THRB: variants seen among roughly 807,000 people sequenced by gnomAD.
The protein encoded by THRB is thyroid hormone receptor beta.
In THRB, 12 loss-of-function variants were observed where a neutral mutation model predicts 47.8. The observed-to-expected ratio is 0.25, with a 90% CI of 0.16 to 0.41. THRB has a LOEUF of 0.41. Ranked by LOEUF, THRB falls within the 10% of genes least tolerant of loss-of-function variation. The pLI is 1.00. For missense variants in THRB, 348 were observed against 589.2 expected (o/e 0.59, Z 4.24); for synonymous variants, 218 against 212.2 (o/e 1.03, Z -0.24).
At chr3:24,318,041 A>C (rs2058241580) in intron 2 of THRB, among the ~76,000 whole-genome samples, 1 of 152,162 alleles carries the variant, frequency 6.6e-6, no homozygotes, top group Admixed American at 6.6e-5. Context: ...CTTGTCTCAA[A>C]AAAGAATGAA....
chr3:24,307,902 T>C lies in THRB; in HGVS notation c.-188-10531A>G, dbSNP rs1192684786. Among the ~76,000 whole-genome samples, 3 of 152,308 alleles carry C rather than the reference T, an allele frequency of 2.0e-5. No homozygotes were observed. In the East Asian group the frequency reaches 5.8e-4, roughly 29 times the overall value. On this transcript the variant is annotated intron_variant, in intron 2 of 10. Coordinates refer to ENST00000646209, the MANE Select transcript of THRB (RefSeq NM_001354712.2). ...GCCATTAGCTAATGGCCTGTTTCCA[T>C]AGTTCACTGTGGTCAAGTTAAGACT... is the stretch of plus-strand genomic sequence containing the variant.
At chr3:24,272,873 T>C (rs972588103) in intron 3 of THRB, among the ~76,000 whole-genome samples, 30 of 152,348 alleles carry the variant, frequency 2.0e-4, no homozygotes, top group African/African-American at 7.2e-4. Flanking sequence ...TTAAAGTTCA[T>C]TGACCCTTCA....
chr3:24,175,066 A>AACTT (rs1209787978), intron 5 of THRB, among the ~76,000 whole-genome samples: 1 of 152,232 alleles, frequency 6.6e-6, no homozygotes, highest in Non-Finnish European at 1.5e-5. Flanking sequence ...TGAGTCCAGA[A>AACTT]ACTTAATCAT....
At chr3:24,409,290 A>G (rs991358093) in intron 1 of THRB, among the ~76,000 whole-genome samples, 3 of 151,882 alleles carry the variant, frequency 2.0e-5, no homozygotes, top group Admixed American at 6.6e-5. Flanking sequence ...GGTTTGGTTG[A>G]TATGAAAGAT....
intron 2 of THRB, among the ~76,000 whole-genome samples, chr3:24,323,361 T>G (rs1294492226): frequency 6.6e-6 from 1 of 152,170 alleles, no homozygotes; most frequent in Non-Finnish European, 1.5e-5. Context: ...AATAGCATTC[T>G]TAGGGAGGAA....
At chr3:24,124,688 C>T (rs1312391217) in intron 10 of THRB, among the ~76,000 whole-genome samples, 1 of 152,116 alleles carries the variant, frequency 6.6e-6, no homozygotes, top group Non-Finnish European at 1.5e-5. Flanking sequence ...TTTCTCTTTG[C>T]ACTGTGGGAC....
chr3:24,189,082 C>G (rs941811983), intron 5 of THRB, among the ~76,000 whole-genome samples: 1 of 151,748 alleles, frequency 6.6e-6, no homozygotes, highest in Admixed American at 6.6e-5. Context: ...AAGACCAGTT[C>G]TTTTATATGA....
chr3:24,412,477 A>G lies in THRB; in HGVS notation c.-260-75106T>C, dbSNP rs561950747. Among the ~76,000 whole-genome samples, 15 of 151,948 alleles carry G rather than the reference A, an allele frequency of 9.9e-5. No individual in the cohort carries two copies. In the East Asian group the frequency reaches 2.2e-3, roughly 22 times the overall value. ...GTTTAGGAGCTTGGGAAAAGTTTGGAAAAAGTTATCTCACTTCTCTTCATG... is the reference window on the plus strand; with the variant it reads ...GTTTAGGAGCTTGGGAAAAGTTTGGGAAAAGTTATCTCACTTCTCTTCATG... On this transcript the variant is annotated intron_variant, in intron 1 of 10. Transcript: ENST00000646209.
At chr3:24,333,643 A>G (rs2062060961) in intron 2 of THRB, among the ~76,000 whole-genome samples, 1 of 152,234 alleles carries the variant, frequency 6.6e-6, no homozygotes, top group Non-Finnish European at 1.5e-5. Flanking sequence ...CAGGCAAAGC[A>G]CAGTATGTGT....
At chr3:24,448,806 A>G (rs1403422055) in intron 1 of THRB, among the ~76,000 whole-genome samples, 1 of 152,208 alleles carries the variant, frequency 6.6e-6, no homozygotes, top group Admixed American at 6.5e-5. Context: ...GCCTTTTCTG[A>G]GAAAGAAAAC....
intron 5 of THRB, among the ~76,000 whole-genome samples, chr3:24,164,615 T>A (rs2149277954): frequency 6.6e-6 from 1 of 152,292 alleles, no homozygotes; most frequent in Middle Eastern, 3.4e-3. Context: ...AAATAAACTT[T>A]CAAAATGAAG....
intron 1 of THRB, among the ~76,000 whole-genome samples, chr3:24,366,947 T>G (rs2064519088): frequency 6.6e-6 from 1 of 152,100 alleles, no homozygotes; most frequent in African/African-American, 2.4e-5. Flanking sequence ...TTTGTACTGC[T>G]GTTCATCAGG....
chr3:24,218,318 T>A (rs2046801164), intron 4 of THRB, among the ~76,000 whole-genome samples: 1 of 143,216 alleles, frequency 7.0e-6, no homozygotes. Context: ...AACAAATAAA[T>A]TTTTTGTCTC....
chr3:24,155,100 T>C (rs2037613779), intron 5 of THRB, among the ~76,000 whole-genome samples: 1 of 152,186 alleles, frequency 6.6e-6, no homozygotes, highest in African/African-American at 2.4e-5. Flanking sequence ...AGCCAGACAC[T>C]GAAGATTTAT....
In THRB at chr3:24,453,739, C is replaced by T. The variant is rs184050575; in HGVS notation, c.-261+40913G>A. ...TCTCTAAGGTGTATGTAAACCGGCCCCTTCCCTCTTCCCAGACTTTGTCTC... is the reference window on the plus strand; with the variant it reads ...TCTCTAAGGTGTATGTAAACCGGCCTCTTCCCTCTTCCCAGACTTTGTCTC... On this transcript the variant is annotated intron_variant, in intron 1 of 10. Transcript: ENST00000646209. Among the ~76,000 whole-genome samples the T allele has an allele frequency of 5.9e-4, 90 of 152,240 alleles. 3 individuals are homozygous for T. The highest frequency in any genetic ancestry group is 5.8e-3 in the Admixed American group (88 of 15,274).
intron 1 of THRB, among the ~76,000 whole-genome samples, chr3:24,460,948 C>T (rs763809642): frequency 6.6e-6 from 1 of 152,076 alleles, no homozygotes; most frequent in Non-Finnish European, 1.5e-5. Flanking sequence ...GTTGTAAAGC[C>T]CCCCAGAAGT....
At chr3:24,440,258 T>C (rs2071399876) in intron 1 of THRB, among the ~76,000 whole-genome samples, 2 of 152,178 alleles carry the variant, frequency 1.3e-5, no homozygotes, top group Non-Finnish European at 1.5e-5. Context: ...ACTCAAAGTA[T>C]GTGCCATGCT....
intron 2 of THRB, among the ~76,000 whole-genome samples, chr3:24,319,657 C>A (rs949562418): frequency 3.3e-5 from 5 of 152,140 alleles, no homozygotes; most frequent in African/African-American, 1.2e-4. Context: ...CATGGGTATA[C>A]AACTACATAA....
intron 3 of THRB, among the ~76,000 whole-genome samples, chr3:24,263,913 C>T (rs1328831427): frequency 6.6e-6 from 1 of 152,144 alleles, no homozygotes; most frequent in Non-Finnish European, 1.5e-5. Flanking sequence ...AGTGATGTCT[C>T]AGTTCTTAGA....
Sources: allele counts gnomAD v4.1 joint callset (sites outside exome capture counted in the v4.1 genomes callset), GRCh38; gene constraint gnomAD v4.1.1; transcripts MANE v1.5; gene names NCBI Gene and HGNC (gene_info 2026-07-23, HGNC 2026-07-21).